Variants in EVL observed in about 807,000 individuals in gnomAD.
The protein encoded by EVL is ena/VASP-like protein.
In EVL, 21 loss-of-function variants were observed where a neutral mutation model predicts 59.6. That is an observed-to-expected ratio of 0.35 (90% CI 0.25 to 0.51). The LOEUF (loss-of-function observed/expected upper bound fraction) is 0.51, where lower values mean the gene tolerates loss of function less well. Ranked by LOEUF, EVL falls within the 20% of genes least tolerant of loss-of-function variation. The pLI, the probability that EVL is intolerant of heterozygous loss-of-function variation, is 0.97. For synonymous variants in EVL, 198 were observed against 203.5 expected (o/e 0.97, Z 0.23); for missense variants, 462 against 546.6 (o/e 0.85, Z 1.54).
Position 100,128,708 on chromosome 14 carries a change from C to T in EVL, c.677C>T (p.Ala226Val), listed in dbSNP as rs866421043. ...GACGAGAGCTCCATGTCAGGACTGG[C>T]CGCTGCCATAGCTGGGGCCAAGCTG... ...SHDESSMSGL[A>V]AAIAGAKLRR... The change falls in exon 6 of 14, where the codon GCC (alanine) becomes GTC (valine). Residue 226 changes from alanine (A) to valine (V), a missense_variant. By Grantham distance (64) the Ala-to-Val change is moderately conservative. Transcript: ENST00000392920. 6.2e-7 allele frequency: 1 copy of T among 1,606,694 alleles called. No individual in the cohort carries two copies.
chr14:99,994,864 G>A (rs146004238), intron 1 of EVL, among the ~76,000 whole-genome samples: 8 of 152,172 alleles, frequency 5.3e-5, no homozygotes, highest in Non-Finnish European at 1.2e-4. Flanking sequence ...TGAAAGAAGG[G>A]AAAAAAGTCT....
intron 1 of EVL, among the ~76,000 whole-genome samples, chr14:99,994,831 T>G (rs2060902281): frequency 6.6e-6 from 1 of 152,174 alleles, no homozygotes. Flanking sequence ...GTAGGGGAGG[T>G]TTAGTGTCAG....
chr14:99,981,024 C>T (rs2060802426), intron 1 of EVL, among the ~76,000 whole-genome samples: 1 of 148,940 alleles, frequency 6.7e-6, no homozygotes, highest in Non-Finnish European at 1.5e-5. Context: ...GGCTTGAGGC[C>T]AAAAGTTTGA....
At chr14:100,117,611 A>G (rs1887432150) in intron 3 of EVL, among the ~76,000 whole-genome samples, 1 of 152,220 alleles carries the variant, frequency 6.6e-6, no homozygotes, top group Non-Finnish European at 1.5e-5. Flanking sequence ...TCTTACGGGT[A>G]GAGTGGAGCT....
At chr14:100,067,037 T>A (rs1183937807) in intron 1 of EVL, among the ~76,000 whole-genome samples, 1 of 152,188 alleles carries the variant, frequency 6.6e-6, no homozygotes, top group Non-Finnish European at 1.5e-5. Flanking sequence ...TGAGGCCCAG[T>A]GTGGAGCAGA....
exon 1 of EVL, chr14:99,971,781 G>T (rs1248919640): frequency 1.6e-5 from 2 of 125,878 alleles, no homozygotes; most frequent in Non-Finnish European, 3.3e-5. Context: ...GCACGCGCCC[G>T]CGCACACGCC....
chr14:99,971,940 G>A (rs2060735685), exon 1 of EVL: 1 of 146,910 alleles, frequency 6.8e-6, no homozygotes, highest in African/African-American at 2.5e-5. Context: ...CAGACGCGGA[G>A]CCGCCGCGCC....
chr14:100,131,091 T>C (rs1410360407), intron 7 of EVL, among the ~76,000 whole-genome samples: 1 of 152,032 alleles, frequency 6.6e-6, no homozygotes, highest in Non-Finnish European at 1.5e-5. Context: ...GTGGAGGAAA[T>C]GGACCAAAAG....
At chr14:99,994,079 T>TA (rs948863044) in intron 1 of EVL, among the ~76,000 whole-genome samples, 12 of 150,998 alleles carry the variant, frequency 7.9e-5, no homozygotes, top group African/African-American at 2.9e-4. Flanking sequence ...AGTTTGGAAT[T>TA]ACAGGTGTGA....
At chr14:100,029,143 A>T (rs927026427) in intron 1 of EVL, among the ~76,000 whole-genome samples, 3 of 152,218 alleles carry the variant, frequency 2.0e-5, no homozygotes, top group Non-Finnish European at 4.4e-5. Context: ...GTTATCTCCC[A>T]TTCCTCTTTG....
At chr14:100,116,163 G>A (rs1383643275) in intron 3 of EVL, among the ~76,000 whole-genome samples, 1 of 152,216 alleles carries the variant, frequency 6.6e-6, no homozygotes, top group African/African-American at 2.4e-5. Context: ...GGAAAGCAGG[G>A]CCTTGTAACA....
At chr14:100,105,454 T>C (rs548352734) in intron 3 of EVL, among the ~76,000 whole-genome samples, 1 of 152,008 alleles carries the variant, frequency 6.6e-6, no homozygotes. Flanking sequence ...TTTTCGAGCC[T>C]CAGTATCCTC....
intron 1 of EVL, among the ~76,000 whole-genome samples, chr14:100,037,905 C>T (rs983006234): frequency 6.6e-6 from 1 of 152,092 alleles, no homozygotes; most frequent in Non-Finnish European, 1.5e-5. Context: ...TATTGAGGGC[C>T]GAGAACTGTA....
In EVL at chr14:100,017,701, A is replaced by G. The variant is rs982822827; in HGVS notation, c.5+45644A>G. On this transcript the variant is annotated intron_variant, in intron 1 of 13. Transcript: ENST00000402714. ...TGACTTGAATATTTTGTTTCCTGTT[A>G]TTATGATTCTGCCAAGAAGCTGCCA... 5.9e-5 allele frequency among the ~76,000 whole-genome samples: 9 copies of G among 152,326 alleles called. No homozygotes were observed. The South Asian group carries it at 1.5e-3, about 25-fold the overall frequency.
chr14:100,046,257 G>C (rs1237466348), intron 1 of EVL, among the ~76,000 whole-genome samples: 1 of 152,206 alleles, frequency 6.6e-6, no homozygotes, highest in Non-Finnish European at 1.5e-5. Context: ...TTGAATTTCA[G>C]ATTTTTGGAT....
At chr14:99,986,323 C>A (rs10141997) in intron 1 of EVL, among the ~76,000 whole-genome samples, 28,691 of 149,086 alleles carry the variant, frequency 0.19, 3,276 homozygotes, top group Non-Finnish European at 0.26. Flanking sequence ...TCAAATGTAT[C>A]CACTGGCACT....
At chr14:100,098,830 A>G (rs958519506) in intron 3 of EVL, among the ~76,000 whole-genome samples, 16 of 152,320 alleles carry the variant, frequency 1.1e-4, no homozygotes, top group African/African-American at 3.9e-4. Context: ...TTGTGCCTCA[A>G]TTTCCTTACC....
At chr14:100,121,922 C>G (rs1055962302) in intron 3 of EVL, among the ~76,000 whole-genome samples, 1 of 152,198 alleles carries the variant, frequency 6.6e-6, no homozygotes, top group African/African-American at 2.4e-5. Context: ...TAGACAGGGT[C>G]GCTGGGACAG....
intron 1 of EVL, among the ~76,000 whole-genome samples, chr14:100,047,281 CA>C: frequency 6.6e-6 from 1 of 151,978 alleles, no homozygotes; most frequent in East Asian, 1.9e-4. Flanking sequence ...CTATAGTTAC[CA>C]TTGGCTAGAT....
Sources: allele counts gnomAD v4.1 joint callset (sites outside exome capture counted in the v4.1 genomes callset), GRCh38; gene constraint gnomAD v4.1.1; transcripts MANE v1.5; gene names NCBI Gene and HGNC (gene_info 2026-07-23, HGNC 2026-07-21).